The following ME1 variants were observed in gnomAD, a reference collection of about 807,000 sequenced individuals.
The protein encoded by ME1 is malic enzyme 1.
A neutral mutation model predicts 66.4 loss-of-function variants in ME1; 74 were observed. The ratio of observed to expected loss-of-function variants is 1.11; its 90% CI spans 0.92 to 1.35. The LOEUF is 1.35. Ranked by LOEUF, ME1 falls within the 40% of genes most tolerant of loss-of-function variation. The probability of loss-of-function intolerance (pLI) is 0.00; values close to 1 mark genes in which losing one functional copy is unlikely to be tolerated. For synonymous variants in ME1, 251 were observed against 235.6 expected (o/e 1.07, Z -0.60); for missense variants, 750 against 694.1 (o/e 1.08, Z -0.90).
Position 83,325,621 on chromosome 6 carries a change from A to C in ME1, c.601-10208T>G, listed in dbSNP as rs1376893009. On this transcript the variant is annotated intron_variant, in intron 5 of 13. Transcript: ENST00000369705. ...GAGTGAACTCCCATTCACAATTGCT[A>C]CTAAGAGAATAAAGTACCTAGGAAT... 2.6e-5 allele frequency among the ~76,000 whole-genome samples: 4 copies of C among 152,216 alleles called. No homozygotes were observed. In the South Asian group the frequency reaches 8.3e-4, roughly 32 times the overall value.
chr6:83,429,523 T>G (rs534559706), intron 1 of ME1, among the ~76,000 whole-genome samples: 62 of 152,006 alleles, frequency 4.1e-4, no homozygotes, highest in Non-Finnish European at 8.2e-4. Flanking sequence ...TTTGTTCTAC[T>G]GAAAATAGGT....
At chr6:83,231,201 T>A (rs1372157564) in intron 9 of ME1, among the ~76,000 whole-genome samples, 1 of 152,112 alleles carries the variant, frequency 6.6e-6, no homozygotes, top group Non-Finnish European at 1.5e-5. Context: ...ATGAATAATG[T>A]ATGAAAAGAA....
At chr6:83,250,794 CA>C (rs1790709745) in intron 7 of ME1, among the ~76,000 whole-genome samples, 1 of 152,192 alleles carries the variant, frequency 6.6e-6, no homozygotes, top group South Asian at 2.1e-4. Context: ...CAACACTCAC[CA>C]ACTCTTTCAT....
At chr6:83,332,892 T>A (rs1422744128) in intron 5 of ME1, among the ~76,000 whole-genome samples, 1 of 152,154 alleles carries the variant, frequency 6.6e-6, no homozygotes, top group Non-Finnish European at 1.5e-5. Context: ...CTTGTACCCT[T>A]AAGGCTATTA....
intron 6 of ME1, among the ~76,000 whole-genome samples, chr6:83,286,158 A>G (rs1473148394): frequency 1.3e-5 from 2 of 152,206 alleles, no homozygotes; most frequent in Admixed American, 6.5e-5. Context: ...TTTCAATCTC[A>G]GACTGTCACT....
chr6:83,224,358 C>T (rs1790146692), intron 11 of ME1, among the ~76,000 whole-genome samples: 1 of 151,942 alleles, frequency 6.6e-6, no homozygotes, highest in African/African-American at 2.4e-5. Context: ...AAAATAAAAA[C>T]TGGGAAAATC....
At chr6:83,239,464 A>T in intron 8 of ME1, 75 bp downstream of exon 8, 2 of 1,035,992 alleles carry the variant, frequency 1.9e-6, no homozygotes, top group Non-Finnish European at 2.9e-6. Context: ...AATACGTCAA[A>T]TCTTGAGTTA....
At chr6:83,315,533 C>T (rs1019449058) in intron 5 of ME1, 120 bp from the exon 6 acceptor site, 1 of 622,718 alleles carries the variant, frequency 1.6e-6, no homozygotes, top group African/African-American at 1.9e-5. Flanking sequence ...CATACTGATT[C>T]AGAATTAACC....
At chr6:83,249,072 T>C (rs996887005) in intron 7 of ME1, among the ~76,000 whole-genome samples, 2 of 152,146 alleles carry the variant, frequency 1.3e-5, no homozygotes, top group Non-Finnish European at 2.9e-5. Flanking sequence ...GAAGGAACAA[T>C]GTAATTAACA....
intron 3 of ME1, among the ~76,000 whole-genome samples, chr6:83,378,314 A>C (rs537549624): frequency 6.6e-6 from 1 of 152,306 alleles, no homozygotes; most frequent in East Asian, 1.9e-4. Flanking sequence ...AATTCTAGCA[A>C]GAGAGAAAGA....
intron 3 of ME1, among the ~76,000 whole-genome samples, chr6:83,370,518 C>T (rs1414042293): frequency 6.6e-6 from 1 of 152,052 alleles, no homozygotes; most frequent in Non-Finnish European, 1.5e-5. Context: ...TGATAAACTC[C>T]TATGCATAAA....
intron 6 of ME1, among the ~76,000 whole-genome samples, chr6:83,290,028 C>T (rs1248479557): frequency 6.6e-6 from 1 of 151,958 alleles, no homozygotes; most frequent in Non-Finnish European, 1.5e-5. Flanking sequence ...CTCTTTTATC[C>T]TTTATTAGTC....
intron 9 of ME1, among the ~76,000 whole-genome samples, chr6:83,232,478 T>C (rs1790324734): frequency 6.6e-6 from 1 of 152,218 alleles, no homozygotes; most frequent in Non-Finnish European, 1.5e-5. Flanking sequence ...TAATTTTGTA[T>C]GTTAAAAATC....
chr6:83,298,738 T>C (rs967153156), intron 6 of ME1, among the ~76,000 whole-genome samples: 3 of 151,978 alleles, frequency 2.0e-5, no homozygotes, highest in Admixed American at 6.6e-5. Context: ...GAGTTAATTT[T>C]TGTATAATGT....
intron 6 of ME1, among the ~76,000 whole-genome samples, chr6:83,276,125 G>A (rs973105604): frequency 1.3e-5 from 2 of 152,088 alleles, no homozygotes; most frequent in Admixed American, 6.6e-5. Context: ...CGGTTGAAAC[G>A]AAGCACCGAC....
intron 1 of ME1, among the ~76,000 whole-genome samples, chr6:83,426,058 C>T (rs1009191420): frequency 2.0e-5 from 3 of 152,180 alleles, no homozygotes. Context: ...CCTTCTCACC[C>T]TCTACCATCT....
intron 4 of ME1, among the ~76,000 whole-genome samples, chr6:83,350,674 G>A (rs1768782675): frequency 1.3e-5 from 2 of 151,852 alleles, no homozygotes; most frequent in Non-Finnish European, 2.9e-5. Flanking sequence ...TCTAGAAATG[G>A]AGTCTCACTA....
At chr6:83,294,743 C>T (rs1157315941) in intron 6 of ME1, among the ~76,000 whole-genome samples, 3 of 152,144 alleles carry the variant, frequency 2.0e-5, no homozygotes, top group Admixed American at 1.3e-4. Context: ...GGAGGCCAAT[C>T]TGTCTTCCAC....
intron 6 of ME1, among the ~76,000 whole-genome samples, chr6:83,279,887 A>G (rs1767257473): frequency 2.0e-5 from 3 of 152,194 alleles, no homozygotes. Flanking sequence ...GTTTGAAGAA[A>G]ACTATCTCCA....
Sources: gnomAD v4.1 joint callset for allele counts (sites outside exome capture counted in the v4.1 genomes callset) on GRCh38, gnomAD v4.1.1 for gene constraint, MANE v1.5 for transcripts, NCBI Gene and HGNC (gene_info 2026-07-23, HGNC 2026-07-21) for gene names.